The following C10orf90 variants were observed in gnomAD, a reference collection of about 807,000 sequenced individuals.
C10orf90 encodes chromosome 10 open reading frame 90.
In C10orf90, 56 loss-of-function variants were observed where a neutral mutation model predicts 62.5. The ratio of observed to expected loss-of-function variants is 0.90; its 90% CI spans 0.72 to 1.12. The LOEUF (loss-of-function observed/expected upper bound fraction) is 1.12, where lower values mean the gene tolerates loss of function less well. Among genes scored for constraint, C10orf90 ranks in the 50% most tolerant of loss-of-function variants. The probability of loss-of-function intolerance (pLI) is 0.00; values close to 1 mark genes in which losing one functional copy is unlikely to be tolerated. For missense variants in C10orf90, 970 were observed against 880.4 expected (o/e 1.10, Z -1.29); for synonymous variants, 386 against 340.4 (o/e 1.13, Z -1.47).
In C10orf90 at chr10:126,628,298, T is replaced by C. The variant is rs376432772; in HGVS notation, c.313+18267A>G. Among the ~76,000 whole-genome samples the C allele has an allele frequency of 1.3e-4, 20 of 152,348 alleles. No individual in the cohort carries two copies. The East Asian group carries it at 1.7e-3, about 13-fold the overall frequency. On this transcript the variant is annotated intron_variant, in intron 2 of 9. Transcript: ENST00000488181. ...TTAAAATGCCAAGGCCTATGTCTTA[T>C]TCATATATTGTCAAAGCCTTTCTCA... is the stretch of plus-strand genomic sequence containing the variant.
At chr10:126,623,707 G>A (rs983654471) in intron 2 of C10orf90, among the ~76,000 whole-genome samples, 1 of 151,942 alleles carries the variant, frequency 6.6e-6, no homozygotes, top group Non-Finnish European at 1.5e-5. Flanking sequence ...TCAGGGTGGT[G>A]GTGGGCGCCT....
chr10:126,599,412 G>C (rs916848471), intron 2 of C10orf90, among the ~76,000 whole-genome samples: 4 of 151,588 alleles, frequency 2.6e-5, no homozygotes, highest in Non-Finnish European at 5.9e-5. Flanking sequence ...GTGTTAGCCA[G>C]GATGGTCTCA....
At chr10:126,429,678 C>T (rs1409079581) in intron 8 of C10orf90, 109 bp downstream of exon 8, 2 of 852,046 alleles carry the variant, frequency 2.3e-6, no homozygotes, top group South Asian at 3.2e-5. Flanking sequence ...AGACCTCAGA[C>T]CTTAAACATG....
At chr10:126,523,997 G>T (rs553781949) in intron 2 of C10orf90, among the ~76,000 whole-genome samples, 1 of 152,278 alleles carries the variant, frequency 6.6e-6, no homozygotes, top group African/African-American at 2.4e-5. Context: ...TCACCGCTTA[G>T]CTATTACAAA....
chr10:126,606,006 A>G (rs573606556), intron 2 of C10orf90, among the ~76,000 whole-genome samples: 3 of 152,358 alleles, frequency 2.0e-5, no homozygotes, highest in Admixed American at 6.5e-5. Flanking sequence ...ACCACTTTTG[A>G]GATTCAAATT....
intron 4 of C10orf90, among the ~76,000 whole-genome samples, chr10:126,483,298 G>A (rs1250516096): frequency 6.6e-6 from 1 of 152,176 alleles, no homozygotes; most frequent in Non-Finnish European, 1.5e-5. Context: ...CTTTTGACTT[G>A]TACTCTAATT....
chr10:126,537,229 G>A (rs1472351963), intron 2 of C10orf90, among the ~76,000 whole-genome samples: 1 of 152,136 alleles, frequency 6.6e-6, no homozygotes, highest in African/African-American at 2.4e-5. Context: ...TCCAACAGGA[G>A]GGTTTATGTG....
chr10:126,484,155 TC>T (rs1861306183), intron 4 of C10orf90, among the ~76,000 whole-genome samples: 1 of 152,206 alleles, frequency 6.6e-6, no homozygotes, highest in South Asian at 2.1e-4. Context: ...TCATATGCCT[TC>T]TATATTTAAT....
At chr10:126,427,696 G>A (rs1013654423) in intron 8 of C10orf90, among the ~76,000 whole-genome samples, 3 of 152,164 alleles carry the variant, frequency 2.0e-5, no homozygotes, top group Admixed American at 6.5e-5. Flanking sequence ...TTCGGCCTCT[G>A]GACTCTTGGG....
At chr10:126,483,480 A>G (rs758220732) in intron 4 of C10orf90, among the ~76,000 whole-genome samples, 87 of 152,202 alleles carry the variant, frequency 5.7e-4, no homozygotes, top group Non-Finnish European at 1.1e-3. Context: ...CTTGATCTAT[A>G]CTCAGGAGAA....
At chr10:126,533,849 C>T (rs1431397441) in intron 2 of C10orf90, among the ~76,000 whole-genome samples, 2 of 152,142 alleles carry the variant, frequency 1.3e-5, no homozygotes, top group African/African-American at 4.8e-5. Context: ...TGGCAGCTGC[C>T]AATAGGTATG....
At chr10:126,643,463 G>A (rs1235664696) in intron 2 of C10orf90, among the ~76,000 whole-genome samples, 2 of 152,168 alleles carry the variant, frequency 1.3e-5, no homozygotes, top group South Asian at 2.1e-4. Context: ...CCTGGCCCAC[G>A]GATTCCTTCT....
At chr10:126,603,049 T>C (rs2842163) in intron 2 of C10orf90, among the ~76,000 whole-genome samples, 24,292 of 149,592 alleles carry the variant, frequency 0.16, 4,347 homozygotes, top group African/African-American at 0.44. Context: ...AGTGGACAGG[T>C]GCGGTGGGGG....
At chr10:126,521,662 T>C (rs755044425) in intron 2 of C10orf90, among the ~76,000 whole-genome samples, 1 of 152,180 alleles carries the variant, frequency 6.6e-6, no homozygotes, top group Non-Finnish European at 1.5e-5. Flanking sequence ...TTCTTAGTAT[T>C]AAAATACATC....
At chr10:126,588,653 A>C (rs71490774) in intron 2 of C10orf90, among the ~76,000 whole-genome samples, 5 of 152,206 alleles carry the variant, frequency 3.3e-5, no homozygotes, top group Non-Finnish European at 7.3e-5. Flanking sequence ...AACAGAAAGC[A>C]ACAACAACAA....
At position 126,464,899 on chromosome 10, in the gene C10orf90, G is replaced by A. The variant is rs563866378; in HGVS notation, c.1622C>T (p.Pro541Leu). ...TVSAPPVEQKPTRHFLPIGDS... is the reference protein window; with the variant it reads ...TVSAPPVEQKLTRHFLPIGDS... ...CCCAATGGGAAGGAAATGTCTAGTG[G>A]GCTTCTGTTCCACTGGAGGAGCAGA... The change falls in exon 5 of 10, where the codon CCC becomes CTC. Residue 541 changes from proline (P) to leucine (L), a missense_variant. Coordinates refer to ENST00000488181, the MANE Select transcript of C10orf90 (RefSeq NM_001350921.2). 6.2e-7 allele frequency: 1 copy of A among 1,613,916 alleles called. No individual in the cohort carries two copies. Among genetic ancestry groups the A allele is most frequent in the Admixed American group, 1.7e-5 (1 of 60,010 alleles).
chr10:126,532,580 A>G (rs146441253), intron 2 of C10orf90, among the ~76,000 whole-genome samples: 1,695 of 151,888 alleles, frequency 0.011, 38 homozygotes, highest in African/African-American at 0.037. Flanking sequence ...GCTCACGCCT[A>G]TAGTCCCTGC....
chr10:126,569,775 T>C (rs1047842138), intron 2 of C10orf90, among the ~76,000 whole-genome samples: 1 of 152,146 alleles, frequency 6.6e-6, no homozygotes, highest in East Asian at 1.9e-4. Context: ...AACCAAAACA[T>C]GGAAAATAGC....
At chr10:126,565,370 TATATAATA>T (rs1844350720) in intron 2 of C10orf90, among the ~76,000 whole-genome samples, 3 of 78,932 alleles carry the variant, frequency 3.8e-5, no homozygotes, top group African/African-American at 1.7e-4. Flanking sequence ...TATATTATTT[TATATAATA>T]ATATATATTA....
Sources: allele counts gnomAD v4.1 joint callset (sites outside exome capture counted in the v4.1 genomes callset), GRCh38; gene constraint gnomAD v4.1.1; transcripts MANE v1.5; gene names NCBI Gene and HGNC (gene_info 2026-07-23, HGNC 2026-07-21).